STK33: variants seen among roughly 807,000 people sequenced by gnomAD.
STK33 encodes serine/threonine kinase 33.
In STK33, 52 loss-of-function variants were observed where a neutral mutation model predicts 58.0. The ratio of observed to expected loss-of-function variants is 0.90; its 90% CI spans 0.72 to 1.13. STK33 has a LOEUF of 1.13. Ranked by LOEUF, STK33 falls within the 50% of genes most tolerant of loss-of-function variation. STK33 has a pLI of 0.00. For missense variants in STK33, 630 were observed against 604.2 expected (o/e 1.04, Z -0.45); for synonymous variants, 215 against 200.1 (o/e 1.07, Z -0.63).
At chr11:8,477,469 T>G (rs188163749) in intron 2 of STK33, among the ~76,000 whole-genome samples, 186 bp from the exon 3 acceptor site, 22 of 152,162 alleles carry the variant, frequency 1.4e-4, no homozygotes, top group African/African-American at 5.3e-4. Context: ...ATTAAGAATA[T>G]TGATTTTATG....
the STK33 span, among the ~76,000 whole-genome samples, chr11:8,356,629 A>T: frequency 6.6e-6 from 1 of 152,136 alleles, no homozygotes; most frequent in Non-Finnish European, 1.5e-5. Context: ...GATCAACAGT[A>T]TCAGGGACAT....
At chr11:8,578,652 G>C (rs1322657122) in intron 1 of STK33, among the ~76,000 whole-genome samples, 1 of 151,176 alleles carries the variant, frequency 6.6e-6, no homozygotes, top group Non-Finnish European at 1.5e-5. Flanking sequence ...TTGTTACTTG[G>C]CTCCAGGGAA....
the STK33 span, among the ~76,000 whole-genome samples, chr11:8,380,784 T>C: frequency 6.6e-6 from 1 of 152,182 alleles, no homozygotes; most frequent in East Asian, 1.9e-4. Flanking sequence ...CACCTGCACA[T>C]GTATGTTTAT....
chr11:8,411,068 C>T (rs1940158374), intron 15 of STK33, among the ~76,000 whole-genome samples: 1 of 152,206 alleles, frequency 6.6e-6, no homozygotes, highest in Admixed American at 6.5e-5. Flanking sequence ...AAGCAGTGGT[C>T]TGCCAAGTGT....
the STK33 span, among the ~76,000 whole-genome samples, chr11:8,355,838 G>T: frequency 6.6e-6 from 1 of 152,196 alleles, no homozygotes; most frequent in Non-Finnish European, 1.5e-5. Context: ...GAAGCGCTTC[G>T]TAAATGGTAG....
chr11:8,423,332 T>C (rs1441341316), intron 14 of STK33, among the ~76,000 whole-genome samples: 4 of 152,024 alleles, frequency 2.6e-5, no homozygotes, highest in African/African-American at 9.7e-5. Context: ...AATTTTTAGA[T>C]ATCATTAATT....
At chr11:8,551,581 G>C (rs766123931) in intron 1 of STK33, among the ~76,000 whole-genome samples, 1 of 152,148 alleles carries the variant, frequency 6.6e-6, no homozygotes, top group African/African-American at 2.4e-5. Flanking sequence ...TTTAAGGAGA[G>C]AGCTACCTCT....
At chr11:8,345,259 C>T in the STK33 span, among the ~76,000 whole-genome samples, 1 of 152,234 alleles carries the variant, frequency 6.6e-6, no homozygotes, top group Non-Finnish European at 1.5e-5. Context: ...CTAATCTTAA[C>T]ATCACTTAGA....
chr11:8,402,851 G>A (rs1938354370), intron 15 of STK33, among the ~76,000 whole-genome samples: 1 of 152,170 alleles, frequency 6.6e-6, no homozygotes, highest in African/African-American at 2.4e-5. Flanking sequence ...ATTTTGTTAG[G>A]TTATAGATTA....
chr11:8,555,834 T>G (rs1956710119), intron 1 of STK33, among the ~76,000 whole-genome samples: 1 of 152,096 alleles, frequency 6.6e-6, no homozygotes, highest in Non-Finnish European at 1.5e-5. Context: ...ACAATTATGA[T>G]GTCAATTAAA....
At chr11:8,468,737 A>C (rs1358014676) in intron 6 of STK33, among the ~76,000 whole-genome samples, 3 of 152,316 alleles carry the variant, frequency 2.0e-5, no homozygotes, top group Admixed American at 6.5e-5. Flanking sequence ...CAGAAAACTT[A>C]ATTATAAAAT....
At chr11:8,519,112 G>A (rs1953119163) in intron 1 of STK33, among the ~76,000 whole-genome samples, 1 of 152,302 alleles carries the variant, frequency 6.6e-6, no homozygotes, top group Admixed American at 6.5e-5. Flanking sequence ...CTTAGCAAAT[G>A]TAAAAGAACA....
chr11:8,424,587 T>C lies in STK33; in HGVS notation c.1147-10895A>G, dbSNP rs555532503. ...ACACTGACTTCCACAATGGTTGAAC[T>C]AGTTTACAGTCCCACCAACAGTGTA... On this transcript the variant is annotated intron_variant, in intron 14 of 15. Transcript: ENST00000687296. Among the ~76,000 whole-genome samples, 800 of 151,724 alleles carry C rather than the reference T, an allele frequency of 5.3e-3. 9 individuals carry two copies. Among genetic ancestry groups the C allele is most frequent in the Non-Finnish European group, 6.6e-3 (448 of 67,894 alleles).
At chr11:8,556,782 A>C (rs1484888885) in intron 1 of STK33, among the ~76,000 whole-genome samples, 1 of 152,182 alleles carries the variant, frequency 6.6e-6, no homozygotes, top group East Asian at 1.9e-4. Flanking sequence ...TCATCATTAT[A>C]TTCTCCAGAG....
intron 1 of STK33, among the ~76,000 whole-genome samples, chr11:8,570,292 T>C (rs1034247768): frequency 6.6e-6 from 1 of 152,228 alleles, no homozygotes; most frequent in Non-Finnish European, 1.5e-5. Flanking sequence ...GTAAGGTTCT[T>C]GCAACAAGAA....
At chr11:8,426,447 G>T (rs908618308) in intron 14 of STK33, among the ~76,000 whole-genome samples, 1 of 152,192 alleles carries the variant, frequency 6.6e-6, no homozygotes, top group African/African-American at 2.4e-5. Context: ...CATTTAGGCA[G>T]GAAAACAGAA....
intron 1 of STK33, among the ~76,000 whole-genome samples, chr11:8,536,070 T>C (rs1365657528): frequency 6.6e-6 from 1 of 151,362 alleles, no homozygotes; most frequent in Admixed American, 6.6e-5. Context: ...AGGTACAGAG[T>C]GAAAGGTAGA....
At chr11:8,518,640 A>T (rs1292065268) in intron 1 of STK33, among the ~76,000 whole-genome samples, 3 of 152,226 alleles carry the variant, frequency 2.0e-5, no homozygotes, top group African/African-American at 4.8e-5. Flanking sequence ...AAAGGGATGG[A>T]GGAAGATCTA....
chr11:8,584,757 C>A lies in STK33; in HGVS notation c.-466+9326G>T, dbSNP rs542875647. 4.2e-3 allele frequency among the ~76,000 whole-genome samples: 636 copies of A among 152,184 alleles called. 3 individuals carry two copies. Among genetic ancestry groups the A allele is most frequent in the Non-Finnish European group, 6.4e-3 (432 of 67,992 alleles). On this transcript the variant is annotated intron_variant, in intron 1 of 15. Coordinates refer to ENST00000687296, the MANE Select transcript of STK33 (RefSeq NM_001352389.2). ...CAAACAGGAGATAGACCCTTTCAGA[C>A]AAAGCATACAGCCACAGAGGGAGCT...
Sources: allele counts gnomAD v4.1 joint callset (sites outside exome capture counted in the v4.1 genomes callset), GRCh38; gene constraint gnomAD v4.1.1; transcripts MANE v1.5; gene names NCBI Gene and HGNC (gene_info 2026-07-23, HGNC 2026-07-21).